The following TBC1D13 variants were observed in gnomAD, a reference collection of about 807,000 sequenced individuals.
TBC1D13 encodes the protein epididymis secretory sperm binding protein.
In TBC1D13, 40 loss-of-function variants were observed where a neutral mutation model predicts 53.6. The ratio of observed to expected loss-of-function variants is 0.75; its 90% CI spans 0.58 to 0.97. The LOEUF (loss-of-function observed/expected upper bound fraction) is 0.97, where lower values mean the gene tolerates loss of function less well. Among genes scored for constraint, TBC1D13 ranks in the 50% least tolerant of loss-of-function variants. TBC1D13 has a pLI of 0.00. For missense variants in TBC1D13, 377 were observed against 499.4 expected, an observed-to-expected ratio of 0.75 and a Z score of 2.34; for synonymous variants, 182 against 197.7, an observed-to-expected ratio of 0.92 and a Z score of 0.67.
chr9:128,806,371 T>A, intron 11 of TBC1D13, 60 bp downstream of exon 11: 1 of 1,597,710 alleles, frequency 6.3e-7, no homozygotes, highest in Admixed American at 1.7e-5. Flanking sequence ...GCCAGGCACC[T>A]GCCCACGCCA....
intron 8 of TBC1D13, 72 bp downstream of exon 8, chr9:128,803,532 C>T (rs548568345): frequency 1.9e-5 from 28 of 1,441,722 alleles, no homozygotes; most frequent in African/African-American, 5.6e-5. Flanking sequence ...CTTTCCCTCT[C>T]GGGCCTCTGT....
At chr9:128,795,140 T>C (rs1366453308) in intron 6 of TBC1D13, among the ~76,000 whole-genome samples, 1 of 151,250 alleles carries the variant, frequency 6.6e-6, no homozygotes, top group African/African-American at 2.4e-5. Flanking sequence ...ACTGAAGCCT[T>C]GAACTCCCAG....
chr9:128,792,497 C>G lies in TBC1D13; in HGVS notation c.306C>G (p.Leu102=). The G allele has an allele frequency of 6.2e-7, 1 of 1,614,074 alleles. No individual in the cohort carries two copies. Among genetic ancestry groups the G allele is most frequent in the Non-Finnish European group, 8.5e-7 (1 of 1,179,956 alleles). ...REDVTFEDHP[L]NPNPDSRWNT... Reference sequence around the variant, plus strand: ...ATCTTCATTTCTCCCCACAGCCACTCAACCCCAACCCTGACAGCCGGTGGA... The same window carrying G: ...ATCTTCATTTCTCCCCACAGCCACTGAACCCCAACCCTGACAGCCGGTGGA... The change falls in exon 6 of 12, where the codon CTC becomes CTG. Residue 102 remains leucine, a synonymous_variant. Coordinates refer to ENST00000372648, the MANE Select transcript of TBC1D13 (RefSeq NM_018201.5).
intron 3 of TBC1D13, 76 bp from the exon 4 acceptor site, chr9:128,791,304 G>T: frequency 7.3e-7 from 1 of 1,363,568 alleles, no homozygotes; most frequent in Non-Finnish European, 1.1e-6. Context: ...TTTTTCTTGA[G>T]GCCTGTCATC....
intron 2 of TBC1D13, among the ~76,000 whole-genome samples, chr9:128,789,051 G>T (rs1471464498): frequency 6.6e-6 from 1 of 152,148 alleles, no homozygotes; most frequent in Non-Finnish European, 1.5e-5. Context: ...GCCGGGTGCC[G>T]TGGCTCATGC....
chr9:128,789,316 CAA>C (rs10648259), intron 2 of TBC1D13, among the ~76,000 whole-genome samples: 2 of 83,396 alleles, frequency 2.4e-5, no homozygotes, highest in South Asian at 5.1e-4. Flanking sequence ...AGCTCCATCT[CAA>C]AAAAAAAAAA....
Position 128,805,588 on chromosome 9 carries a change from C to T in TBC1D13, c.919-271C>T, listed in dbSNP as rs1291901695. Among the ~76,000 whole-genome samples the T allele has an allele frequency of 1.3e-5, 2 of 152,332 alleles. 1 individual carries two copies. The highest frequency in any genetic ancestry group is 4.1e-4 in the South Asian group (2 of 4,828). On this transcript the variant is annotated intron_variant, in intron 9 of 11. Coordinates refer to ENST00000372648, the MANE Select transcript of TBC1D13 (RefSeq NM_018201.5). ...AGTGTGTGAAAAGAGTTTGAGCCATCATTTATAAATCTGGAGAGCTTATTA... is the reference window on the plus strand; with the variant it reads ...AGTGTGTGAAAAGAGTTTGAGCCATTATTTATAAATCTGGAGAGCTTATTA...
In TBC1D13 at chr9:128,797,115, C is replaced by T; in HGVS notation, c.444C>T (p.Ile148=). ...CCACTGACTACCCTTGCCTCCTCAT[C>T]CTGGACCCCCAGAATGAGTTTGAAA... ...QRATDYPCLL[I]LDPQNEFETL... is the part of the protein sequence containing the mutation. Residue 148 remains isoleucine (I), a synonymous_variant, in exon 7 of 12, where the codon ATC becomes ATT. Transcript: ENST00000372648. 6.2e-7 allele frequency: 1 copy of T among 1,614,036 alleles called. No homozygotes were observed. The highest frequency in any genetic ancestry group is 8.5e-7 in the Non-Finnish European group (1 of 1,179,982).
In TBC1D13 at chr9:128,794,562, G is replaced by A. The variant is rs548341380; in HGVS notation, c.383+1988G>A. ...GCAATCTCGGCTCACTGCAACATCC[G>A]CTTCCCGGGTTCAAGCGATTCTCCT... On this transcript the variant is annotated intron_variant, in intron 6 of 11. Coordinates refer to ENST00000372648, the MANE Select transcript of TBC1D13 (RefSeq NM_018201.5). 2.0e-3 allele frequency among the ~76,000 whole-genome samples: 296 copies of A among 151,566 alleles called. 4 individuals are homozygous for A. The highest frequency in any genetic ancestry group is 3.4e-3 in the Middle Eastern group (1 of 294).
intron 2 of TBC1D13, 100 bp from the exon 3 acceptor site, chr9:128,790,635 T>C: frequency 3.6e-6 from 4 of 1,113,282 alleles, no homozygotes; most frequent in Non-Finnish European, 5.0e-6. Flanking sequence ...GAAGAAGTAC[T>C]TCTTGCCCAC....
At chr9:128,801,406 G>T (rs144524459) in intron 7 of TBC1D13, among the ~76,000 whole-genome samples, 2 of 151,888 alleles carry the variant, frequency 1.3e-5, no homozygotes, top group Admixed American at 1.3e-4. Context: ...CAGCCTGGAC[G>T]CGGTGGCTCA....
In TBC1D13 at chr9:128,808,052, G is replaced by C; in HGVS notation, c.*173G>C. ...TGTGCCGTGCTCCTTCTGCCGCCAC[G>C]CCCAGCTCCCCACCTGCCCTGCACT... On this transcript the variant is annotated 3_prime_UTR_variant, in exon 12 of 12. Coordinates refer to ENST00000372648, the MANE Select transcript of TBC1D13 (RefSeq NM_018201.5). 1 of 637,784 alleles carries C rather than the reference G, an allele frequency of 1.6e-6. No individual in the cohort carries two copies. Among genetic ancestry groups the C allele is most frequent in the South Asian group, 1.8e-5 (1 of 56,472 alleles). 39.5% of individuals were successfully genotyped at this position (637,784 alleles called of 1,614,324 possible).
intron 2 of TBC1D13, 133 bp downstream of exon 2, chr9:128,788,540 G>A: frequency 1.4e-6 from 1 of 726,024 alleles, no homozygotes; most frequent in Admixed American, 2.5e-5. Context: ...ATTACACACA[G>A]ACTCTTGGGG....
intron 6 of TBC1D13, among the ~76,000 whole-genome samples, chr9:128,795,547 G>A (rs1408726481): frequency 3.2e-5 from 4 of 126,686 alleles, no homozygotes; most frequent in Non-Finnish European, 6.3e-5. Context: ...TGCAAGCTCC[G>A]CCTCCCGGGT....
chr9:128,806,170 T>C, intron 10 of TBC1D13, 84 bp from the exon 11 acceptor site: 1 of 1,605,736 alleles, frequency 6.2e-7, no homozygotes, highest in Non-Finnish European at 8.5e-7. Flanking sequence ...AAACCAAACT[T>C]GAGGTGGGTA....
At chr9:128,792,411 C>T (rs777657145) in intron 5 of TBC1D13, 81 bp from the exon 6 acceptor site, 64 of 1,252,690 alleles carry the variant, frequency 5.1e-5, no homozygotes, top group Non-Finnish European at 6.9e-5. Context: ...GCAGCAAGGC[C>T]ACTGCTCAGG....
At chr9:128,798,007 C>G (rs1309740194) in intron 7 of TBC1D13, among the ~76,000 whole-genome samples, 1 of 152,162 alleles carries the variant, frequency 6.6e-6, no homozygotes, top group Non-Finnish European at 1.5e-5. Context: ...AATCCCAGCA[C>G]TTTGGGTGGC....
In TBC1D13 at chr9:128,807,994, C is replaced by A; in HGVS notation, c.*115C>A. The A allele has an allele frequency of 9.8e-7, 1 of 1,021,442 alleles. No homozygotes were observed. The highest frequency in any genetic ancestry group is 1.5e-6 in the Non-Finnish European group (1 of 666,788). The allele number at this position is 1,021,442 out of a possible 1,614,324, so 63.3% of individuals were successfully genotyped here. A position where few individuals can be genotyped will look rare whatever the true frequency, so the allele number is the denominator to read the frequency against. On this transcript the variant is annotated 3_prime_UTR_variant, in exon 12 of 12. Coordinates refer to ENST00000372648, the MANE Select transcript of TBC1D13 (RefSeq NM_018201.5). ...CCTGAGGGGAAGCCACAGGATCGGCCCGAGACCCAGGCCATGCCCACTGGG... is the reference window on the plus strand; with the variant it reads ...CCTGAGGGGAAGCCACAGGATCGGCACGAGACCCAGGCCATGCCCACTGGG...
Position 128,803,411 on chromosome 9 carries a change from G to A in TBC1D13, c.705G>A (p.Val235=), listed in dbSNP as rs764365038. The A allele has an allele frequency of 6.2e-7, 1 of 1,614,188 alleles. No homozygotes were observed. Among genetic ancestry groups the A allele is most frequent in the Non-Finnish European group, 8.5e-7 (1 of 1,180,040 alleles). ...IAYVQGMNEI[V]GPLYYTFATD... is the part of the protein sequence containing the mutation. ...ATGTGCAAGGCATGAATGAAATCGT[G>A]GGGCCCCTCTACTACACCTTTGCCA... Residue 235 remains valine (V), a synonymous_variant, in exon 8 of 12, where the codon GTG becomes GTA. Coordinates refer to ENST00000372648, the MANE Select transcript of TBC1D13 (RefSeq NM_018201.5).
Sources: allele counts gnomAD v4.1 joint callset (sites outside exome capture counted in the v4.1 genomes callset), GRCh38; gene constraint gnomAD v4.1.1; transcripts MANE v1.5; gene names NCBI Gene and HGNC (gene_info 2026-07-23, HGNC 2026-07-21).